CACNA1C: variants seen among roughly 807,000 people sequenced by gnomAD.
CACNA1C encodes the protein calcium voltage-gated channel subunit alpha1 C, also known as voltage-dependent L-type calcium channel subunit alpha-1C.
CACNA1C carries 30 observed loss-of-function variants against 229.0 expected under a neutral mutation model. That is an observed-to-expected ratio of 0.13 (90% CI 0.10 to 0.18). CACNA1C has a LOEUF of 0.18. Ranked by LOEUF, CACNA1C falls within the 10% of genes least tolerant of loss-of-function variation. The probability of loss-of-function intolerance (pLI) is 1.00; values close to 1 mark genes in which losing one functional copy is unlikely to be tolerated. For missense variants in CACNA1C, 1,658 were observed against 2,845.0 expected, an observed-to-expected ratio of 0.58 and a Z score of 9.49; for synonymous variants, 1,114 against 1,132.5, an observed-to-expected ratio of 0.98 and a Z score of 0.33.
intron 3 of CACNA1C, among the ~76,000 whole-genome samples, chr12:2,124,145 T>TGC (rs1226173233): frequency 1.7e-5 from 2 of 117,348 alleles, no homozygotes; most frequent in African/African-American, 6.7e-5. Flanking sequence ...TGTGTGTGTG[T>TGC]GTGTGCAGTC....
intron 1 of CACNA1C, among the ~76,000 whole-genome samples, chr12:2,030,572 G>A (rs1420547900): frequency 6.6e-6 from 1 of 152,162 alleles, no homozygotes; most frequent in East Asian, 1.9e-4. Flanking sequence ...TCTCAGATGT[G>A]CCCTTGGGGC....
chr12:2,017,792 G>A (rs970750190), intron 1 of CACNA1C, among the ~76,000 whole-genome samples: 2 of 152,082 alleles, frequency 1.3e-5, no homozygotes, highest in African/African-American at 4.8e-5. Context: ...AGAGTCAGCT[G>A]TCGGTGTGTC....
At chr12:2,533,625 TC>T (rs1485118520) in intron 9 of CACNA1C, among the ~76,000 whole-genome samples, 1 of 152,048 alleles carries the variant, frequency 6.6e-6, no homozygotes, top group East Asian at 1.9e-4. Context: ...TCTGGGAGCT[TC>T]GGTGGAGAGG....
rs183168489 is a variant in CACNA1C, at chr12:2,233,472, T to A, written c.477+113042T>A. Among the ~76,000 whole-genome samples, 7 of 152,332 alleles carry A rather than the reference T, an allele frequency of 4.6e-5. No homozygotes were observed. In the East Asian group the frequency reaches 1.2e-3, roughly 25 times the overall value. ...GATGGCGTCTAGGAGACATTACTCCTTTTCTTGGTTCTGTATATTATCAGA... is the reference window on the plus strand; with the variant it reads ...GATGGCGTCTAGGAGACATTACTCCATTTCTTGGTTCTGTATATTATCAGA... On this transcript the variant is annotated intron_variant, in intron 3 of 46. Transcript: ENST00000399655.
At chr12:2,241,676 A>T (rs1274998288) in intron 3 of CACNA1C, among the ~76,000 whole-genome samples, 1 of 152,160 alleles carries the variant, frequency 6.6e-6, no homozygotes, top group Non-Finnish European at 1.5e-5. Context: ...TCCCTGTCAC[A>T]GTCAGCTCTG....
At chr12:2,339,618 A>G (rs2096800559) in intron 3 of CACNA1C, among the ~76,000 whole-genome samples, 1 of 152,200 alleles carries the variant, frequency 6.6e-6, no homozygotes, top group African/African-American at 2.4e-5. Flanking sequence ...TCTATTAAAA[A>G]TTATTTTATT....
At chr12:2,035,481 A>G (rs1300207784) in intron 1 of CACNA1C, among the ~76,000 whole-genome samples, 1 of 152,030 alleles carries the variant, frequency 6.6e-6, no homozygotes, top group African/African-American at 2.4e-5. Flanking sequence ...AGACATTTCC[A>G]TTTCTTCCTC....
Position 1,993,319 on chromosome 12 carries a change from A to G in CACNA1C, c.139+22118A>G, listed in dbSNP as rs534743416. Reference sequence around the variant, plus strand: ...CCTGGAGTTGGAAATCCAAGTCTTTAGTAATAGGTTCTGTCCTATTTTCCA... The same window carrying G: ...CCTGGAGTTGGAAATCCAAGTCTTTGGTAATAGGTTCTGTCCTATTTTCCA... On this transcript the variant is annotated intron_variant, in intron 1 of 46. Transcript: ENST00000682462. 12 of 1,614,140 alleles carry G rather than the reference A, an allele frequency of 7.4e-6. No homozygotes were observed. In the South Asian group the frequency reaches 1.3e-4, roughly 18 times the overall value.
At chr12:2,502,820 A>AT (rs1568079854) in intron 7 of CACNA1C, among the ~76,000 whole-genome samples, 1 of 152,192 alleles carries the variant, frequency 6.6e-6, no homozygotes, top group Non-Finnish European at 1.5e-5. Context: ...GGGTATTACT[A>AT]TCCCACCTGC....
chr12:2,655,081 A>C, intron 33 of CACNA1C, 66 bp from the exon 34 acceptor site: 1 of 962,886 alleles, frequency 1.0e-6, no homozygotes, highest in Non-Finnish European at 1.7e-6. Flanking sequence ...ACCATTGAAC[A>C]ATGGTGGGAA....
At chr12:2,170,912 G>T (rs1413754487) in intron 3 of CACNA1C, among the ~76,000 whole-genome samples, 1 of 152,228 alleles carries the variant, frequency 6.6e-6, no homozygotes, top group East Asian at 1.9e-4. Context: ...CACCCCTGCT[G>T]CTTGGGAGGG....
At chr12:2,072,308 C>T (rs1361041922) in intron 1 of CACNA1C, among the ~76,000 whole-genome samples, 4 of 152,218 alleles carry the variant, frequency 2.6e-5, no homozygotes, top group Admixed American at 2.0e-4. Flanking sequence ...AAGCAGTTCT[C>T]CTGCCCCAGC....
intron 38 of CACNA1C, among the ~76,000 whole-genome samples, chr12:2,672,791 G>A (rs973410747): frequency 6.6e-6 from 1 of 152,182 alleles, no homozygotes; most frequent in Non-Finnish European, 1.5e-5. Flanking sequence ...CATGAATTTT[G>A]GGAGGACACT....
chr12:1,984,465 C>T lies in CACNA1C; in HGVS notation c.139+13264C>T, dbSNP rs2154468678. Among the ~76,000 whole-genome samples the T allele has an allele frequency of 2.0e-5, 3 of 151,718 alleles. 1 individual carries two copies. The South Asian group carries it at 6.2e-4, about 32-fold the overall frequency. ...TCTATACTTAGAGTTTTTCTTTTACCACTTCAAACAGAATGTAAAGGCTCT... is the reference window on the plus strand; with the variant it reads ...TCTATACTTAGAGTTTTTCTTTTACTACTTCAAACAGAATGTAAAGGCTCT... On this transcript the variant is annotated intron_variant, in intron 1 of 46. Coordinates refer to the CACNA1C transcript ENST00000682462.
At chr12:2,318,837 C>T (rs543250505) in intron 3 of CACNA1C, among the ~76,000 whole-genome samples, 17 of 146,654 alleles carry the variant, frequency 1.2e-4, no homozygotes, top group Admixed American at 2.7e-4. Flanking sequence ...GCTAGAGGAG[C>T]GGGCAGAGAG....
chr12:2,363,991 A>G (rs1483103289), intron 3 of CACNA1C, among the ~76,000 whole-genome samples: 1 of 152,194 alleles, frequency 6.6e-6, no homozygotes, highest in Non-Finnish European at 1.5e-5. Context: ...GGTGACGATC[A>G]GCCCTTAGAG....
At chr12:2,250,855 T>C (rs1287768299) in intron 3 of CACNA1C, among the ~76,000 whole-genome samples, 1 of 152,176 alleles carries the variant, frequency 6.6e-6, no homozygotes, top group African/African-American at 2.4e-5. Context: ...TAGCTCTACT[T>C]TTTAGTCTTC....
chr12:2,209,058 G>A (rs763388671), intron 3 of CACNA1C, among the ~76,000 whole-genome samples: 19 of 152,158 alleles, frequency 1.2e-4, no homozygotes, highest in East Asian at 1.9e-4. Flanking sequence ...GGCCAGCAGC[G>A]TCCATGCTGA....
At chr12:2,351,523 G>A (rs2097201861) in intron 3 of CACNA1C, among the ~76,000 whole-genome samples, 1 of 152,200 alleles carries the variant, frequency 6.6e-6, no homozygotes, top group East Asian at 1.9e-4. Flanking sequence ...CATAGGGCCT[G>A]CCCCACCCTT....
Sources: gnomAD v4.1 joint callset for allele counts (sites outside exome capture counted in the v4.1 genomes callset) on GRCh38, gnomAD v4.1.1 for gene constraint, MANE v1.5 for transcripts, NCBI Gene and HGNC (gene_info 2026-07-23, HGNC 2026-07-21) for gene names.